The following DCT variants were observed in gnomAD, a reference collection of about 807,000 sequenced individuals.
The protein encoded by DCT is dopachrome tautomerase.
A neutral mutation model predicts 53.0 loss-of-function variants in DCT; 47 were observed. That is an observed-to-expected ratio of 0.89 (90% CI 0.70 to 1.13). The LOEUF is 1.13. Ranked by LOEUF, DCT falls within the 50% of genes most tolerant of loss-of-function variation. The pLI is 0.00. For synonymous variants in DCT, 244 were observed against 237.0 expected (o/e 1.03, Z -0.27); for missense variants, 669 against 637.4 (o/e 1.05, Z -0.53).
At chr13:94,444,564 A>G (rs1292198163) in intron 6 of DCT, 1 of 326,394 alleles carries the variant, frequency 3.1e-6, no homozygotes, top group Non-Finnish European at 6.1e-6. Context: ...GATAGCCCTG[A>G]TTTTGTAACA....
At chr13:94,455,002 T>C (rs1883316568) in intron 6 of DCT, among the ~76,000 whole-genome samples, 1 of 152,116 alleles carries the variant, frequency 6.6e-6, no homozygotes, top group African/African-American at 2.4e-5. Context: ...TGATTAAATG[T>C]CTTATATCTC....
chr13:94,449,952 T>G (rs1490739165), intron 6 of DCT, among the ~76,000 whole-genome samples: 1 of 152,212 alleles, frequency 6.6e-6, no homozygotes. Flanking sequence ...TCCTATGGAC[T>G]CAATGTGTGT....
At position 94,443,604 on chromosome 13, in the gene DCT, C is replaced by T. The variant is rs1224956220; in HGVS notation, c.1213G>A (p.Glu405Lys). ...LHSFTDAIFD[E>K]WMKRFNPPAD... is the part of the protein sequence containing the mutation. ...GGAGGATTAAATCTTTTCATCCACTCATCAAAGATGGCATCAGTAAAGGAA... is the reference window on the plus strand; with the variant it reads ...GGAGGATTAAATCTTTTCATCCACTTATCAAAGATGGCATCAGTAAAGGAA... Residue 405 changes from glutamate to lysine, a missense_variant, in exon 7 of 8, where the codon GAG becomes AAG. Coordinates refer to ENST00000377028, the MANE Select transcript of DCT (RefSeq NM_001922.5). The T allele has an allele frequency of 6.2e-7, 1 of 1,613,952 alleles. No individual in the cohort carries two copies. Among genetic ancestry groups the T allele is most frequent in the Admixed American group, 1.7e-5 (1 of 60,012 alleles).
intron 1 of DCT, among the ~76,000 whole-genome samples, chr13:94,473,199 T>A (rs1168907462): frequency 6.6e-6 from 1 of 152,228 alleles, no homozygotes; most frequent in Non-Finnish European, 1.5e-5. Flanking sequence ...AAAATCAATA[T>A]GCATTCAGTA....
At chr13:94,442,700 CAT>C (rs746496751) in intron 7 of DCT, among the ~76,000 whole-genome samples, 4 of 152,180 alleles carry the variant, frequency 2.6e-5, no homozygotes, top group African/African-American at 4.8e-5. Flanking sequence ...GCAACATACA[CAT>C]AGAGTCCCAC....
chr13:94,456,455 T>C (rs1179032205), intron 6 of DCT, among the ~76,000 whole-genome samples: 3 of 152,202 alleles, frequency 2.0e-5, no homozygotes, highest in African/African-American at 4.8e-5. Flanking sequence ...CTTCTGACTT[T>C]GTGCTTATTA....
chr13:94,527,324 C>T, the DCT span, among the ~76,000 whole-genome samples: 1 of 152,228 alleles, frequency 6.6e-6, no homozygotes, highest in Non-Finnish European at 1.5e-5. Flanking sequence ...CAGACTGCCT[C>T]CTCAAGTGGG....
intron 1 of DCT, among the ~76,000 whole-genome samples, chr13:94,469,677 T>C (rs1884502462): frequency 6.6e-6 from 1 of 152,280 alleles, no homozygotes; most frequent in East Asian, 1.9e-4. Flanking sequence ...ATCGCAGGCG[T>C]GTCTCCTCCT....
At chr13:94,454,555 G>A (rs9524496) in intron 6 of DCT, among the ~76,000 whole-genome samples, 2 of 152,114 alleles carry the variant, frequency 1.3e-5, no homozygotes, top group African/African-American at 4.8e-5. Context: ...GGAATTACTA[G>A]AGATTGCTTC....
the DCT span, among the ~76,000 whole-genome samples, chr13:94,493,972 T>C: frequency 6.6e-6 from 1 of 152,216 alleles, no homozygotes; most frequent in Non-Finnish European, 1.5e-5. Context: ...TACTTTCGGC[T>C]CAATTTTTGT....
At chr13:94,527,495 G>C in the DCT span, among the ~76,000 whole-genome samples, 1 of 152,156 alleles carries the variant, frequency 6.6e-6, no homozygotes, top group Non-Finnish European at 1.5e-5. Flanking sequence ...AGGCAAACAG[G>C]GTCTGGAGTG....
At chr13:94,478,558 C>T (rs539892135) in intron 1 of DCT, among the ~76,000 whole-genome samples, 22 of 152,310 alleles carry the variant, frequency 1.4e-4, no homozygotes, top group African/African-American at 4.1e-4. Context: ...TCCTGTCTTC[C>T]GAATGCCAAG....
At chr13:94,478,915 T>A in intron 1 of DCT, 46 bp downstream of exon 1, 1 of 1,533,432 alleles carries the variant, frequency 6.5e-7, no homozygotes. Flanking sequence ...AGGAGCTCTT[T>A]CCCCAGCTCT....
At chr13:94,496,355 G>A in the DCT span, among the ~76,000 whole-genome samples, 2 of 151,862 alleles carry the variant, frequency 1.3e-5, no homozygotes, top group South Asian at 2.1e-4. Flanking sequence ...CACCACACCC[G>A]GCTAATTTTT....
the DCT span, among the ~76,000 whole-genome samples, chr13:94,485,613 C>T: frequency 6.6e-6 from 1 of 152,174 alleles, no homozygotes; most frequent in Non-Finnish European, 1.5e-5. Flanking sequence ...ATAGTATCCT[C>T]CCCAAATTCA....
the DCT span, among the ~76,000 whole-genome samples, chr13:94,493,461 GATAAAC>G: frequency 2.6e-5 from 4 of 152,192 alleles, no homozygotes; most frequent in Non-Finnish European, 5.9e-5. Flanking sequence ...GACTATGACA[GATAAAC>G]ATTCATTACC....
chr13:94,511,933 A>G, the DCT span, among the ~76,000 whole-genome samples: 1 of 151,744 alleles, frequency 6.6e-6, no homozygotes, highest in East Asian at 1.9e-4. Flanking sequence ...GTGCAATCAT[A>G]GCTCACTGCA....
intron 6 of DCT, among the ~76,000 whole-genome samples, chr13:94,454,511 A>G (rs774959463): frequency 1.3e-5 from 2 of 152,110 alleles, no homozygotes; most frequent in Non-Finnish European, 2.9e-5. Flanking sequence ...CTTATTTTCC[A>G]TGATAAATGT....
At position 94,446,598 on chromosome 13, in the gene DCT, A is replaced by G. The variant is rs141150886; in HGVS notation, c.1180-2961T>C. ...TTTGCTCAGGCTGCTGTAACAAAGT[A>G]CTACAGACTGGGTGGCTTAGACAAC... On this transcript the variant is annotated intron_variant, in intron 6 of 7. Coordinates refer to ENST00000377028, the MANE Select transcript of DCT (RefSeq NM_001922.5). Among the ~76,000 whole-genome samples, 37 of 152,340 alleles carry G rather than the reference A, an allele frequency of 2.4e-4. No individual in the cohort carries two copies. In the East Asian group the frequency reaches 7.1e-3, roughly 29 times the overall value.
Sources: gnomAD v4.1 joint callset for allele counts (sites outside exome capture counted in the v4.1 genomes callset) on GRCh38, gnomAD v4.1.1 for gene constraint, MANE v1.5 for transcripts, NCBI Gene and HGNC (gene_info 2026-07-23, HGNC 2026-07-21) for gene names.